SMOC2: variants seen among roughly 807,000 people sequenced by gnomAD.
SMOC2 encodes the protein SPARC related modular calcium binding 2.
Under a neutral mutation model 61.4 loss-of-function variants are expected in SMOC2, and 39 were observed. The ratio of observed to expected loss-of-function variants is 0.64; its 90% confidence interval spans 0.49 to 0.83. The LOEUF is 0.83. Among genes scored for constraint, SMOC2 ranks in the 40% least tolerant of loss-of-function variants. The pLI, the probability that SMOC2 is intolerant of heterozygous loss-of-function variation, is 0.00. For missense variants in SMOC2, 556 were observed against 592.9 expected, an observed-to-expected ratio of 0.94 and a Z score of 0.65; for synonymous variants, 247 against 239.9, an observed-to-expected ratio of 1.03 and a Z score of -0.27.
chr6:168,514,560 T>C (rs1783086733), intron 2 of SMOC2, among the ~76,000 whole-genome samples: 1 of 152,234 alleles, frequency 6.6e-6, no homozygotes, highest in African/African-American at 2.4e-5. Context: ...ATACCTTGGC[T>C]GTAGTTATAA....
chr6:168,545,700 A>G (rs565154459), intron 5 of SMOC2, among the ~76,000 whole-genome samples: 11 of 152,326 alleles, frequency 7.2e-5, no homozygotes, highest in African/African-American at 2.4e-4. Flanking sequence ...CCTGCCTGCC[A>G]TTCAGGCTGA....
chr6:168,451,159 CT>C (rs1257469369), intron 1 of SMOC2, among the ~76,000 whole-genome samples: 2 of 152,180 alleles, frequency 1.3e-5, no homozygotes, highest in African/African-American at 4.8e-5. Context: ...GAATACTGAG[CT>C]TTCCCTCCCT....
At chr6:168,601,308 G>A (rs996993561) in intron 8 of SMOC2, among the ~76,000 whole-genome samples, 7 of 152,286 alleles carry the variant, frequency 4.6e-5, no homozygotes, top group African/African-American at 1.4e-4. Context: ...CCTGGCCAGC[G>A]CTCCACCGTC....
At chr6:168,486,189 A>T (rs1210063405) in intron 1 of SMOC2, among the ~76,000 whole-genome samples, 1 of 152,204 alleles carries the variant, frequency 6.6e-6, no homozygotes, top group Admixed American at 6.5e-5. Context: ...TGAGTAAGTA[A>T]AGGAGTTGCA....
At chr6:168,631,348 G>A (rs1041361038) in intron 9 of SMOC2, among the ~76,000 whole-genome samples, 1 of 152,194 alleles carries the variant, frequency 6.6e-6, no homozygotes, top group African/African-American at 2.4e-5. Context: ...ACCCCTCAAA[G>A]CATTTGGCAG....
intron 1 of SMOC2, among the ~76,000 whole-genome samples, chr6:168,509,546 A>G (rs1332854669): frequency 3.2e-5 from 2 of 62,250 alleles, no homozygotes; most frequent in Non-Finnish European, 8.7e-5. Flanking sequence ...TGTGGAGGCA[A>G]ATTAGTCGAT....
intron 11 of SMOC2, 130 bp downstream of exon 11, chr6:168,653,358 A>G: frequency 9.3e-7 from 1 of 1,078,022 alleles, no homozygotes; most frequent in Non-Finnish European, 1.3e-6. Context: ...ATGCTGTTTA[A>G]TTGTTGGGCG....
chr6:168,536,146 G>A (rs2115088618), intron 4 of SMOC2, among the ~76,000 whole-genome samples: 1 of 152,346 alleles, frequency 6.6e-6, no homozygotes, highest in South Asian at 2.1e-4. Flanking sequence ...GGTGCTCGTG[G>A]CTGGCCCCAC....
chr6:168,504,769 G>A (rs1782821945), intron 1 of SMOC2, among the ~76,000 whole-genome samples: 2 of 151,138 alleles, frequency 1.3e-5, no homozygotes, highest in African/African-American at 2.4e-5. Context: ...ACTAGGGCAG[G>A]CTCTTCTTCA....
chr6:168,473,744 G>C (rs904791591), intron 1 of SMOC2, among the ~76,000 whole-genome samples: 1 of 152,130 alleles, frequency 6.6e-6, no homozygotes, highest in Non-Finnish European at 1.5e-5. Flanking sequence ...TGAGGGCACA[G>C]TCTATGCAAA....
At chr6:168,514,691 C>A (rs2749267) in intron 2 of SMOC2, among the ~76,000 whole-genome samples, 136,368 of 152,266 alleles carry the variant, frequency 0.9, 61,989 homozygotes, top group East Asian at 1. Context: ...CTTGTGGAAA[C>A]AAGCGCTGTA....
chr6:168,523,585 GA>G (rs1339216157), intron 2 of SMOC2, among the ~76,000 whole-genome samples: 2 of 150,116 alleles, frequency 1.3e-5, no homozygotes, highest in African/African-American at 4.9e-5. Flanking sequence ...ATTTTTAGTA[GA>G]GACGGGGTTT....
At chr6:168,646,026 C>A (rs1787020822) in intron 9 of SMOC2, among the ~76,000 whole-genome samples, 2 of 152,210 alleles carry the variant, frequency 1.3e-5, no homozygotes, top group African/African-American at 4.8e-5. Context: ...GTCATCCATT[C>A]TTTTCTCCTC....
At position 168,640,319 on chromosome 6, in the gene SMOC2, T is replaced by C. The variant is rs566105064; in HGVS notation, c.908-10362T>C. Reference sequence around the variant, plus strand: ...CATTGGTGGTGACTGTCAGCCTGACTGTCAGCTGGATAAGGGAAGGGGAAG... The same window carrying C: ...CATTGGTGGTGACTGTCAGCCTGACCGTCAGCTGGATAAGGGAAGGGGAAG... On this transcript the variant is annotated intron_variant, in intron 9 of 12. Transcript: ENST00000356284. Among the ~76,000 whole-genome samples, 5 of 152,218 alleles carry C rather than the reference T, an allele frequency of 3.3e-5. No individual in the cohort carries two copies. In the East Asian group the frequency reaches 9.7e-4, roughly 29 times the overall value.
At chr6:168,631,410 G>A (rs1786566986) in intron 9 of SMOC2, among the ~76,000 whole-genome samples, 1 of 152,188 alleles carries the variant, frequency 6.6e-6, no homozygotes, top group African/African-American at 2.4e-5. Context: ...TTAGAGGACA[G>A]GAAAGGTTCG....
At chr6:168,554,131 C>G (rs778094664) in intron 7 of SMOC2, among the ~76,000 whole-genome samples, 2 of 151,728 alleles carry the variant, frequency 1.3e-5, no homozygotes, top group Admixed American at 6.6e-5. Flanking sequence ...CTTTGAACTG[C>G]GTGTGCTGTG....
At chr6:168,484,119 T>C (rs1456152065) in intron 1 of SMOC2, among the ~76,000 whole-genome samples, 1 of 152,220 alleles carries the variant, frequency 6.6e-6, no homozygotes, top group South Asian at 2.1e-4. Flanking sequence ...CAAAAATTGG[T>C]GTATCAAAAG....
At chr6:168,458,173 C>T (rs1324099517) in intron 1 of SMOC2, among the ~76,000 whole-genome samples, 1 of 152,186 alleles carries the variant, frequency 6.6e-6, no homozygotes, top group Non-Finnish European at 1.5e-5. Flanking sequence ...TCCCCTGGGG[C>T]CATCAACGTA....
At chr6:168,632,598 G>A (rs899755354) in intron 9 of SMOC2, among the ~76,000 whole-genome samples, 1 of 152,176 alleles carries the variant, frequency 6.6e-6, no homozygotes, top group African/African-American at 2.4e-5. Flanking sequence ...TATTGTAGAT[G>A]TTGGCTCAAT....
Sources: allele counts gnomAD v4.1 joint callset (sites outside exome capture counted in the v4.1 genomes callset), GRCh38; gene constraint gnomAD v4.1.1; transcripts MANE v1.5; gene names NCBI Gene and HGNC (gene_info 2026-07-23, HGNC 2026-07-21).